The following SF3A1 variants were observed in gnomAD, a reference collection of about 807,000 sequenced individuals.
The protein encoded by SF3A1 is SAP 114.
A neutral mutation model predicts 89.9 loss-of-function variants in SF3A1; 13 were observed. That is an observed-to-expected ratio of 0.14 (90% CI 0.09 to 0.23). The LOEUF (loss-of-function observed/expected upper bound fraction) is 0.23. Among genes scored for constraint, SF3A1 ranks in the 10% least tolerant of loss-of-function variants. The probability of loss-of-function intolerance (pLI) is 1.00; values close to 1 mark genes in which losing one functional copy is unlikely to be tolerated. For missense variants in SF3A1, 604 were observed against 1,022.1 expected, an observed-to-expected ratio of 0.59 and a Z score of 5.58; for synonymous variants, 405 against 374.4, an observed-to-expected ratio of 1.08 and a Z score of -0.94.
intron 15 of SF3A1, 83 bp downstream of exon 15, chr22:30,335,384 T>C: frequency 1.7e-6 from 2 of 1,210,336 alleles, no homozygotes; most frequent in South Asian, 2.5e-5. Context: ...CCACTCCCCT[T>C]TTAGCTTCCA....
chr22:30,339,076 C>T (rs1931167333), intron 10 of SF3A1, 42 bp from the exon 11 acceptor site: 3 of 1,613,866 alleles, frequency 1.9e-6, no homozygotes, highest in East Asian at 4.5e-5. Flanking sequence ...GGAACTAAGA[C>T]CAAGTATGGA....
intron 4 of SF3A1, among the ~76,000 whole-genome samples, chr22:30,344,008 T>C (rs1931344069): frequency 6.6e-6 from 1 of 152,246 alleles, no homozygotes; most frequent in South Asian, 2.1e-4. Flanking sequence ...ATGACATGTG[T>C]AGCAAGAAAA....
At chr22:30,340,454 C>T (rs952072963) in intron 8 of SF3A1, 73 bp from the exon 9 acceptor site, 13 of 1,429,280 alleles carry the variant, frequency 9.1e-6, no homozygotes, top group Middle Eastern at 1.8e-4. Flanking sequence ...GTATTTCATG[C>T]GTGCATCATT....
intron 11 of SF3A1, 47 bp downstream of exon 11, chr22:30,338,742 A>G (rs749676674): frequency 6.2e-7 from 1 of 1,611,538 alleles, no homozygotes; most frequent in Non-Finnish European, 8.5e-7. Flanking sequence ...TCCGACCTCA[A>G]GAATGAAGCT....
intron 2 of SF3A1, among the ~76,000 whole-genome samples, chr22:30,350,472 ACT>A (rs1198188227): frequency 6.6e-6 from 1 of 152,024 alleles, no homozygotes; most frequent in Admixed American, 6.6e-5. Flanking sequence ...TCAGAACGAG[ACT>A]CTGTCTCTAA....
At chr22:30,347,348 C>T (rs1931452223) in intron 2 of SF3A1, among the ~76,000 whole-genome samples, 1 of 152,062 alleles carries the variant, frequency 6.6e-6, no homozygotes. Context: ...ACGCCTTGTC[C>T]AAGTACTCCC....
In SF3A1 at chr22:30,340,829, T is replaced by A; in HGVS notation, c.1072-17A>T. ...ATCTGAACCCTGAAAAGCAAAGCAATGGCAGGACTCAGAGAGGGGCTGAGG... is the reference window on the plus strand; with the variant it reads ...ATCTGAACCCTGAAAAGCAAAGCAAAGGCAGGACTCAGAGAGGGGCTGAGG... On this transcript the variant is annotated splice_polypyrimidine_tract_variant and intron_variant, in intron 7 of 15. Transcript: ENST00000215793. The A allele has an allele frequency of 2.8e-6, 4 of 1,444,536 alleles. No individual in the cohort carries two copies. The highest frequency in any genetic ancestry group is 3.9e-6 in the Non-Finnish European group (4 of 1,037,886). 89.5% of individuals were successfully genotyped at this position (1,444,536 alleles called of 1,614,324 possible). A position where few individuals can be genotyped will look rare whatever the true frequency, so the allele number is the denominator to read the frequency against.
chr22:30,338,760 A>T (rs1260020155), intron 11 of SF3A1, 29 bp downstream of exon 11: 1 of 1,613,160 alleles, frequency 6.2e-7, no homozygotes, highest in East Asian at 2.2e-5. Flanking sequence ...GCTCTAAAAA[A>T]GTCAGTTCCA....
chr22:30,337,570 C>T, intron 12 of SF3A1, 120 bp downstream of exon 12: 1 of 716,858 alleles, frequency 1.4e-6, no homozygotes, highest in Non-Finnish European at 2.6e-6. Context: ...CCAGGGCTCT[C>T]CTCTGGGCTG....
At chr22:30,336,987 TC>T (rs764518990) in intron 13 of SF3A1, 38 bp downstream of exon 13, 64 of 1,613,282 alleles carry the variant, frequency 4.0e-5, no homozygotes, top group African/African-American at 5.3e-5. Flanking sequence ...GACTGAACCC[TC>T]CAGCTAGAAA....
chr22:30,346,329 G>T lies in SF3A1; in HGVS notation c.376C>A (p.Gln126Lys). 1 of 1,612,900 alleles carries T rather than the reference G, an allele frequency of 6.2e-7. No homozygotes were observed. Among genetic ancestry groups the T allele is most frequent in the Non-Finnish European group, 8.5e-7 (1 of 1,178,928 alleles). Reference sequence around the variant, plus strand: ...CTCCAAACCTTCTGGGGCAGCTGCTGCTGGGTGGTCTGCTGCTGCTGCTGC... The same window carrying T: ...CTCCAAACCTTCTGGGGCAGCTGCTTCTGGGTGGTCTGCTGCTGCTGCTGC... ...VMQQQQQTTQ[Q>K]QLPQKVQAQV... is the part of the protein sequence containing the mutation. Residue 126 changes from glutamine (Q) to lysine (K), a missense_variant, in exon 3 of 16, where the codon CAG becomes AAG. Physicochemically the swap from Gln to Lys is moderately conservative, Grantham distance 53. Around this residue, in one of 9 missense-constraint regions of SF3A1, gnomAD observed 162 missense variants for 229.2 expected, o/e 0.71. Transcript: ENST00000215793.
intron 2 of SF3A1, 92 bp downstream of exon 2, chr22:30,352,856 CCAA>C: frequency 6.7e-7 from 1 of 1,483,442 alleles, no homozygotes; most frequent in Non-Finnish European, 9.1e-7. Context: ...AAGGCCCAAG[CCAA>C]CAACGTCTCT....
intron 1 of SF3A1, among the ~76,000 whole-genome samples, chr22:30,354,185 G>A (rs565940940): frequency 2.6e-5 from 4 of 152,110 alleles, no homozygotes; most frequent in East Asian, 1.9e-4. Context: ...TTAGAGAAAC[G>A]AAGTTTCTCC....
intron 12 of SF3A1, among the ~76,000 whole-genome samples, chr22:30,337,384 G>A (rs1931102598): frequency 6.6e-6 from 1 of 152,188 alleles, no homozygotes; most frequent in South Asian, 2.1e-4. Flanking sequence ...AGGACTGCAG[G>A]AGGGGCAGGA....
chr22:30,351,414 G>C (rs978408031), intron 2 of SF3A1, among the ~76,000 whole-genome samples: 1 of 152,206 alleles, frequency 6.6e-6, no homozygotes, highest in South Asian at 2.1e-4. Flanking sequence ...CACTGCCTCA[G>C]GGGGGTGACG....
At chr22:30,353,479 T>C (rs1011514893) in intron 1 of SF3A1, among the ~76,000 whole-genome samples, 9 of 152,240 alleles carry the variant, frequency 5.9e-5, no homozygotes, top group Non-Finnish European at 2.9e-5. Flanking sequence ...CTAGACGACC[T>C]TGGTGCCACC....
intron 1 of SF3A1, among the ~76,000 whole-genome samples, chr22:30,355,815 T>TCCCCCCCCCCCC (rs11451197): frequency 6.5e-5 from 6 of 92,276 alleles, no homozygotes; most frequent in Non-Finnish European, 1.0e-4. Context: ...TCAGTCATGT[T>TCCCCCCCCCCCC]CCCCCCCCCC....
intron 4 of SF3A1, among the ~76,000 whole-genome samples, chr22:30,343,905 GTCCTT>G (rs1166716840): frequency 6.6e-6 from 1 of 152,172 alleles, no homozygotes; most frequent in Non-Finnish European, 1.5e-5. Context: ...AAATTCTCAA[GTCCTT>G]TCAAGTCAGA....
At chr22:30,336,449 C>T (rs895194930) in intron 13 of SF3A1, among the ~76,000 whole-genome samples, 3 of 152,102 alleles carry the variant, frequency 2.0e-5, no homozygotes, top group East Asian at 1.9e-4. Context: ...CACTTGAACC[C>T]GGGAGGCAGA....
Sources: allele counts gnomAD v4.1 joint callset (sites outside exome capture counted in the v4.1 genomes callset), GRCh38; gene constraint gnomAD v4.1.1; regional missense constraint gnomAD v4.1.1; transcripts MANE v1.5; gene names NCBI Gene and HGNC (gene_info 2026-07-23, HGNC 2026-07-21).